The following SNRNP40 variants were observed in gnomAD, a reference collection of about 807,000 sequenced individuals.
SNRNP40 encodes small nuclear ribonucleoprotein U5 subunit 40, also known as U5 small nuclear ribonucleoprotein 40 kDa protein.
A neutral mutation model predicts 45.8 loss-of-function variants in SNRNP40; 21 were observed. That is an observed-to-expected ratio of 0.46 (90% CI 0.32 to 0.66). The LOEUF is 0.66. Among genes scored for constraint, SNRNP40 ranks in the 30% least tolerant of loss-of-function variants. SNRNP40 has a pLI of 0.03. For missense variants in SNRNP40, 344 were observed against 439.1 expected, an observed-to-expected ratio of 0.78 and a Z score of 1.94; for synonymous variants, 142 against 163.8, an observed-to-expected ratio of 0.87 and a Z score of 1.01.
chr1:31,275,861 C>T (rs1569649213), intron 5 of SNRNP40, among the ~76,000 whole-genome samples: 1 of 152,184 alleles, frequency 6.6e-6, no homozygotes, highest in South Asian at 2.1e-4. Context: ...AATATGGCAG[C>T]CTGTATCCCA....
chr1:31,268,479 A>C (rs1322909854), intron 7 of SNRNP40, among the ~76,000 whole-genome samples: 1 of 151,998 alleles, frequency 6.6e-6, no homozygotes, highest in Non-Finnish European at 1.5e-5. Flanking sequence ...GGGTCTTACT[A>C]TGTTGCCCTG....
intron 4 of SNRNP40, among the ~76,000 whole-genome samples, chr1:31,287,126 C>A (rs545902382): frequency 6.6e-6 from 1 of 152,180 alleles, no homozygotes; most frequent in South Asian, 2.1e-4. Flanking sequence ...GACTTTTTTT[C>A]CTCTTAAACT....
At chr1:31,268,248 G>A (rs1467393949) in intron 7 of SNRNP40, among the ~76,000 whole-genome samples, 1 of 149,616 alleles carries the variant, frequency 6.7e-6, no homozygotes, top group Non-Finnish European at 1.5e-5. Context: ...TTATCTTGAA[G>A]AAAAATACAC....
chr1:31,269,048 T>C, intron 7 of SNRNP40, 110 bp downstream of exon 7: 4 of 957,648 alleles, frequency 4.2e-6, no homozygotes, highest in Non-Finnish European at 4.5e-6. Flanking sequence ...GCAGTGTTAT[T>C]GGAATGAAGT....
intron 4 of SNRNP40, among the ~76,000 whole-genome samples, chr1:31,287,975 CAA>C (rs1646072687): frequency 6.6e-6 from 1 of 152,116 alleles, no homozygotes. Context: ...CCAGCCTGGG[CAA>C]CATGGTGAAA....
chr1:31,284,071 C>T (rs1646038489), intron 4 of SNRNP40, among the ~76,000 whole-genome samples: 1 of 152,114 alleles, frequency 6.6e-6, no homozygotes, highest in African/African-American at 2.4e-5. Context: ...AAAATAAAAA[C>T]AAAAAGTTGG....
rs1222229582 is a variant in SNRNP40, at chr1:31,261,514, T to C, written c.1024+15A>G. ...ATTTCCAGTTTCCCTTTCCCCCTCG[T>C]TGGGACAGACTTACTGATGGGCTCA... On this transcript the variant is annotated intron_variant, in intron 9 of 9. Transcript: ENST00000263694. 2 of 1,563,832 alleles carry C rather than the reference T, an allele frequency of 1.3e-6. No homozygotes were observed. The highest frequency in any genetic ancestry group is 2.2e-5 in the East Asian group (1 of 44,634).
chr1:31,292,133 C>G (rs1418028878), intron 2 of SNRNP40, 127 bp from the exon 3 acceptor site: 2 of 519,954 alleles, frequency 3.8e-6, no homozygotes, highest in African/African-American at 3.9e-5. Flanking sequence ...GAGGCCGAGA[C>G]GGGTGGATCA....
In SNRNP40 at chr1:31,259,649, A is replaced by G. The variant is rs771137895; in HGVS notation, c.*423T>C. 1.2e-5 allele frequency: 5 copies of G among 407,254 alleles called. No individual in the cohort carries two copies. The highest frequency in any genetic ancestry group is 9.1e-5 in the South Asian group (5 of 54,968). The allele number at this position is 407,254 out of a possible 1,614,324, so 25.2% of individuals were successfully genotyped here. A position where few individuals can be genotyped will look rare whatever the true frequency, so the allele number is the denominator to read the frequency against. On this transcript the variant is annotated 3_prime_UTR_variant, in exon 10 of 10. Transcript: ENST00000263694. ...AGCAATCAAGCCTCAAAAAAAAGAC[A>G]GCAATAAATCCAATCCACATGGCTC...
chr1:31,261,658 G>A (rs372464867), intron 8 of SNRNP40, 26 bp from the exon 9 acceptor site: 7 of 1,511,746 alleles, frequency 4.6e-6, no homozygotes, highest in African/African-American at 2.7e-5. Context: ...AAAAGCAAGG[G>A]TAAGTCCTCT....
intron 9 of SNRNP40, chr1:31,261,184 T>TAA: frequency 4.3e-6 from 1 of 232,164 alleles, no homozygotes; most frequent in South Asian, 3.7e-5. Flanking sequence ...CTACTAAAAA[T>TAA]ACAAAAAAAA....
chr1:31,262,891 A>T (rs1645869970), intron 8 of SNRNP40, among the ~76,000 whole-genome samples: 1 of 151,914 alleles, frequency 6.6e-6, no homozygotes, highest in Non-Finnish European at 1.5e-5. Flanking sequence ...GGTCCCAGCT[A>T]CTTGGGAGGC....
At chr1:31,281,575 G>A (rs934511510) in intron 4 of SNRNP40, 79 bp from the exon 5 acceptor site, 8 of 1,337,948 alleles carry the variant, frequency 6.0e-6, no homozygotes, top group South Asian at 1.7e-5. Context: ...CCTTAAGTAC[G>A]AGGACTTTGT....
At chr1:31,261,820 G>T in intron 8 of SNRNP40, 188 bp from the exon 9 acceptor site, 1 of 450,430 alleles carries the variant, frequency 2.2e-6, no homozygotes, top group Non-Finnish European at 3.9e-6. Context: ...TTGAGCAATG[G>T]GGTGGAGAAA....
At chr1:31,284,528 A>T (rs1430955823) in intron 4 of SNRNP40, among the ~76,000 whole-genome samples, 1 of 152,208 alleles carries the variant, frequency 6.6e-6, no homozygotes, top group African/African-American at 2.4e-5. Flanking sequence ...GGGCTCAGAG[A>T]TGTTTCAATA....
chr1:31,261,877 G>A (rs971112718), intron 8 of SNRNP40: 1 of 326,176 alleles, frequency 3.1e-6, no homozygotes, highest in East Asian at 5.5e-5. Context: ...TTGAATACAA[G>A]CTTCTGAAAT....
At chr1:31,285,687 T>C (rs1646052794) in intron 4 of SNRNP40, among the ~76,000 whole-genome samples, 1 of 152,230 alleles carries the variant, frequency 6.6e-6, no homozygotes, top group African/African-American at 2.4e-5. Flanking sequence ...AAATGTCTTA[T>C]TGCACAAGGA....
chr1:31,270,066 C>T (rs181419680), intron 6 of SNRNP40, among the ~76,000 whole-genome samples: 22 of 152,234 alleles, frequency 1.4e-4, no homozygotes, highest in African/African-American at 5.1e-4. Flanking sequence ...CCACACCTGG[C>T]TAATTTTTGT....
At chr1:31,265,253 T>C (rs1645888116) in intron 8 of SNRNP40, among the ~76,000 whole-genome samples, 1 of 152,072 alleles carries the variant, frequency 6.6e-6, no homozygotes, top group East Asian at 1.9e-4. Flanking sequence ...GCCTACCAAG[T>C]AGCTGGGACT....
Sources: gnomAD v4.1 joint callset for allele counts (sites outside exome capture counted in the v4.1 genomes callset) on GRCh38, gnomAD v4.1.1 for gene constraint, MANE v1.5 for transcripts, NCBI Gene and HGNC (gene_info 2026-07-23, HGNC 2026-07-21) for gene names.